SYCP2L: variants seen among roughly 807,000 people sequenced by gnomAD.
SYCP2L encodes the protein synaptonemal complex protein 2 like, also known as synaptonemal complex protein 2-like.
Under a neutral mutation model 125.8 loss-of-function variants are expected in SYCP2L, and 98 were observed. The observed-to-expected ratio is 0.78, with a 90% CI of 0.66 to 0.92. The LOEUF (loss-of-function observed/expected upper bound fraction) is 0.92. SYCP2L is among the 40% of genes least tolerant of loss of function. The pLI is 0.00. For missense variants in SYCP2L, 842 were observed against 936.4 expected, an observed-to-expected ratio of 0.90 and a Z score of 1.32; for synonymous variants, 317 against 325.4, an observed-to-expected ratio of 0.97 and a Z score of 0.28.
intron 21 of SYCP2L, among the ~76,000 whole-genome samples, chr6:10,941,776 C>T (rs531699005): frequency 2.0e-5 from 3 of 152,228 alleles, no homozygotes; most frequent in Middle Eastern, 6.8e-3. Context: ...ACTAGAAATA[C>T]CATTTGACCC....
chr6:10,971,756 C>T (rs1478051573), intron 29 of SYCP2L, among the ~76,000 whole-genome samples: 7 of 151,714 alleles, frequency 4.6e-5, no homozygotes, highest in Admixed American at 1.3e-4. Context: ...ACGATCTTAG[C>T]TCATTGCACC....
At chr6:10,895,641 C>A (rs1383304387) in intron 4 of SYCP2L, among the ~76,000 whole-genome samples, 1 of 150,722 alleles carries the variant, frequency 6.6e-6, no homozygotes, top group Non-Finnish European at 1.5e-5. Context: ...GGGGGGGGTA[C>A]TATGAATTAG....
At position 10,956,071 on chromosome 6, in the gene SYCP2L, G is replaced by A. The variant is rs924779591; in HGVS notation, c.2057-65G>A. 8 of 1,337,350 alleles carry A rather than the reference G, an allele frequency of 6.0e-6. No homozygotes were observed. The Admixed American group carries it at 1.3e-4, about 21-fold the overall frequency. 82.8% of individuals were successfully genotyped at this position (1,337,350 alleles called of 1,614,324 possible). A position where few individuals can be genotyped will look rare whatever the true frequency, so the allele number is the denominator to read the frequency against. On this transcript the variant is annotated intron_variant, in intron 24 of 29. Coordinates refer to ENST00000283141, the MANE Select transcript of SYCP2L (RefSeq NM_001040274.3). ...ATAACTCATCCTCTGGGCAACTGATGAATTGAGCAAGTCTACTTTGAACAC... is the reference window on the plus strand; with the variant it reads ...ATAACTCATCCTCTGGGCAACTGATAAATTGAGCAAGTCTACTTTGAACAC...
At chr6:10,917,720 A>G (rs1266135886) in intron 14 of SYCP2L, among the ~76,000 whole-genome samples, 1 of 152,026 alleles carries the variant, frequency 6.6e-6, no homozygotes, top group Non-Finnish European at 1.5e-5. Context: ...TTTGTTTGTA[A>G]TATTGTATTT....
At chr6:10,927,904 G>A (rs1780926646) in intron 17 of SYCP2L, among the ~76,000 whole-genome samples, 2 of 152,138 alleles carry the variant, frequency 1.3e-5, no homozygotes, top group South Asian at 2.1e-4. Flanking sequence ...TCTTTCTCAG[G>A]TATGTTCCTT....
At chr6:10,914,343 A>G (rs1003202679) in intron 14 of SYCP2L, among the ~76,000 whole-genome samples, 1 of 152,084 alleles carries the variant, frequency 6.6e-6, no homozygotes, top group Admixed American at 6.5e-5. Context: ...TGGGTTCTCT[A>G]TTCTGTTCCA....
intron 10 of SYCP2L, among the ~76,000 whole-genome samples, chr6:10,909,690 A>G (rs1780571544): frequency 6.6e-6 from 1 of 152,200 alleles, no homozygotes; most frequent in Non-Finnish European, 1.5e-5. Context: ...AGAACTCCCA[A>G]AAAGGAAAGT....
chr6:10,967,400 C>T (rs1476759929), intron 29 of SYCP2L, among the ~76,000 whole-genome samples: 3 of 148,336 alleles, frequency 2.0e-5, no homozygotes, highest in Non-Finnish European at 4.4e-5. Context: ...TACAAAAATG[C>T]TAAAAATTTA....
rs1171160248 is a variant in SYCP2L, at chr6:10,912,685, G to A, written c.931G>A (p.Ala311Thr). ...FADEHEMRKP[A>T]DEKLEKFWID... is the part of the protein sequence containing the mutation. ...TGATCTCTTACAGATGAGAAAACCA[G>A]CGGATGAAAAATTAGAGAAATTTTG... The change falls in exon 13 of 30, where the codon GCG becomes ACG. Residue 311 changes from alanine to threonine, a missense_variant. Physicochemically the swap from Ala to Thr is moderately conservative, Grantham distance 58. Transcript: ENST00000283141. The surrounding 1 kb of genome is among the most constrained non-coding windows in gnomAD (Gnocchi z 4.1). The A allele has an allele frequency of 6.2e-7, 1 of 1,612,910 alleles. No homozygotes were observed. Among genetic ancestry groups the A allele is most frequent in the Non-Finnish European group, 8.5e-7 (1 of 1,179,732 alleles).
chr6:10,919,641 G>C (rs538043518), intron 14 of SYCP2L, among the ~76,000 whole-genome samples: 1 of 152,188 alleles, frequency 6.6e-6, no homozygotes, highest in Non-Finnish European at 1.5e-5. Context: ...GAACTCCCAA[G>C]AGTATATTCC....
intron 9 of SYCP2L, among the ~76,000 whole-genome samples, chr6:10,907,188 A>G (rs1007595277): frequency 5.3e-5 from 8 of 152,048 alleles, no homozygotes; most frequent in African/African-American, 1.9e-4. Flanking sequence ...TACTAAAAAC[A>G]TAAAGATTAG....
intron 14 of SYCP2L, among the ~76,000 whole-genome samples, chr6:10,913,320 A>G (rs1161437609): frequency 6.6e-6 from 1 of 152,196 alleles, no homozygotes; most frequent in African/African-American, 2.4e-5. Context: ...AACTGTGGTT[A>G]GTAAGGAAGA....
At chr6:10,942,977 G>GTATA (rs1781250724) in intron 23 of SYCP2L, among the ~76,000 whole-genome samples, 2 of 152,030 alleles carry the variant, frequency 1.3e-5, no homozygotes, top group African/African-American at 4.8e-5. Flanking sequence ...GCCAAGGAAG[G>GTATA]TATAGCCTGG....
chr6:10,921,123 C>T (rs574940424), intron 14 of SYCP2L, among the ~76,000 whole-genome samples: 1 of 152,286 alleles, frequency 6.6e-6, no homozygotes, highest in South Asian at 2.1e-4. Context: ...TAAGTGAGAA[C>T]ATGCGGTGTT....
At chr6:10,948,468 G>C (rs1781354718) in intron 23 of SYCP2L, among the ~76,000 whole-genome samples, 1 of 152,098 alleles carries the variant, frequency 6.6e-6, no homozygotes, top group South Asian at 2.1e-4. Context: ...TAGAAACAGA[G>C]AGTAGAAGGG....
chr6:10,939,148 T>A lies in SYCP2L; in HGVS notation c.1814-3311T>A, dbSNP rs1248983202. ...AAAAAAAAGAAAATTTCATTGATAA[T>A]AGCTTACAAAAAACACATAAAAATA... On this transcript the variant is annotated intron_variant, in intron 21 of 29. Coordinates refer to ENST00000283141, the MANE Select transcript of SYCP2L (RefSeq NM_001040274.3). Among the ~76,000 whole-genome samples the A allele has an allele frequency of 4.6e-5, 7 of 151,072 alleles. No individual in the cohort carries two copies. In the East Asian group the frequency reaches 1.2e-3, roughly 25 times the overall value.
In SYCP2L at chr6:10,955,203, A is replaced by G. The variant is rs967821475; in HGVS notation, c.2042A>G (p.Glu681Gly). 2 of 1,610,712 alleles carry G rather than the reference A, an allele frequency of 1.2e-6. No homozygotes were observed. The highest frequency in any genetic ancestry group is 1.7e-6 in the Non-Finnish European group (2 of 1,176,854). Residue 681 changes from glutamate to glycine, a missense_variant, in exon 24 of 30, where the codon GAA becomes GGA. Transcript: ENST00000283141. Reference protein sequence around the residue: ...APGSPFSITEERELPEGISTS... With the variant: ...APGSPFSITEGRELPEGISTS... ...GGATCCCCTTTCTCAATAACAGAAGAAAGAGAGTTGCCAGGTAACATCATG... is the reference window on the plus strand; with the variant it reads ...GGATCCCCTTTCTCAATAACAGAAGGAAGAGAGTTGCCAGGTAACATCATG...
chr6:10,956,020 TC>T, intron 24 of SYCP2L, 115 bp from the exon 25 acceptor site: 1 of 783,792 alleles, frequency 1.3e-6, no homozygotes, highest in Non-Finnish European at 2.1e-6. Context: ...CAGCGGGGCT[TC>T]CATGGTTCGC....
rs1423371151 is a variant in SYCP2L, at chr6:10,942,469, T to G, written c.1824T>G (p.Asp608Glu). 4 of 1,581,914 alleles carry G rather than the reference T, an allele frequency of 2.5e-6. No homozygotes were observed. The highest frequency in any genetic ancestry group is 3.4e-6 in the Non-Finnish European group (4 of 1,169,716). Residue 608 changes from aspartate (D) to glutamate (E), a missense_variant, in exon 22 of 30, where the codon GAT becomes GAG. By Grantham distance (45) the Asp-to-Glu change is conservative (BLOSUM62 2). Coordinates refer to ENST00000283141, the MANE Select transcript of SYCP2L (RefSeq NM_001040274.3). ...CTCTCTAATGCTCAGAGCTTCAAGA[T>G]CCTCACTCACTGAGTGAGCTCTCTT... ...EDSAQKTELQ[D>E]PHSLSELSSL...
Sources: allele counts gnomAD v4.1 joint callset (sites outside exome capture counted in the v4.1 genomes callset), GRCh38; gene constraint gnomAD v4.1.1; non-coding constraint Gnocchi (gnomAD v3.1); transcripts MANE v1.5; gene names NCBI Gene and HGNC (gene_info 2026-07-23, HGNC 2026-07-21).